The following RAB1A variants were observed in gnomAD, a reference collection of about 807,000 sequenced individuals.
The protein encoded by RAB1A is RAB1A, member RAS oncogene family.
A neutral mutation model predicts 26.0 loss-of-function variants in RAB1A; 2 were observed. The observed-to-expected ratio is 0.08, with a 90% CI of 0.03 to 0.24. RAB1A has a LOEUF of 0.24. Among genes scored for constraint, RAB1A ranks in the 10% least tolerant of loss-of-function variants. RAB1A has a pLI of 1.00. For synonymous variants in RAB1A, 84 were observed against 84.9 expected (o/e 0.99, Z 0.06); for missense variants, 100 against 247.0 (o/e 0.40, Z 3.99).
chr2:65,093,655 G>A (rs1254653200), intron 3 of RAB1A, among the ~76,000 whole-genome samples: 4 of 144,916 alleles, frequency 2.8e-5, no homozygotes, highest in Non-Finnish European at 4.5e-5. Context: ...ACGGAGTCTC[G>A]CTCTGTCACC....
intron 2 of RAB1A, among the ~76,000 whole-genome samples, chr2:65,100,000 AAAGAT>A (rs1358758872): frequency 2.6e-5 from 4 of 152,352 alleles, no homozygotes; most frequent in African/African-American, 9.6e-5. Context: ...TATAAATAAA[AAAGAT>A]AAGGTATAAA....
At chr2:65,127,155 T>C (rs912551726) in intron 1 of RAB1A, among the ~76,000 whole-genome samples, 32 of 151,778 alleles carry the variant, frequency 2.1e-4, no homozygotes, top group African/African-American at 7.5e-4. Context: ...TTTGAGGTCA[T>C]TAGTCTTCAA....
At chr2:65,122,918 C>T (rs925734115) in intron 1 of RAB1A, among the ~76,000 whole-genome samples, 1 of 147,722 alleles carries the variant, frequency 6.8e-6, no homozygotes, top group Non-Finnish European at 1.5e-5. Flanking sequence ...TTGCAGTGAG[C>T]CCAGATCACA....
chr2:65,104,987 C>T (rs1365148786), intron 1 of RAB1A, 181 bp from the exon 2 acceptor site: 1 of 709,430 alleles, frequency 1.4e-6, no homozygotes, highest in Non-Finnish European at 2.6e-6. Flanking sequence ...GATCACTAAA[C>T]ATGATAAAAT....
At chr2:65,110,243 C>T (rs1016173297) in intron 1 of RAB1A, among the ~76,000 whole-genome samples, 3 of 151,836 alleles carry the variant, frequency 2.0e-5, no homozygotes, top group African/African-American at 4.8e-5. Context: ...AGATCGAGAC[C>T]ATCCTGGCTA....
intron 3 of RAB1A, among the ~76,000 whole-genome samples, chr2:65,094,514 G>A (rs756289720): frequency 2.6e-5 from 4 of 151,750 alleles, no homozygotes; most frequent in Non-Finnish European, 4.4e-5. Flanking sequence ...AACCTGGGAG[G>A]CGGAGGTTGC....
At chr2:65,110,557 A>G (rs1051459117) in intron 1 of RAB1A, among the ~76,000 whole-genome samples, 5 of 152,196 alleles carry the variant, frequency 3.3e-5, no homozygotes, top group African/African-American at 1.2e-4. Flanking sequence ...ATAAATGATT[A>G]TAAATGGGAG....
chr2:65,126,941 A>G (rs1670114252), intron 1 of RAB1A, among the ~76,000 whole-genome samples: 1 of 152,220 alleles, frequency 6.6e-6, no homozygotes, highest in African/African-American at 2.4e-5. Flanking sequence ...TAAAAATCTG[A>G]TTGCTCACTG....
chr2:65,092,822 G>A (rs978454489), intron 3 of RAB1A, among the ~76,000 whole-genome samples: 2 of 152,204 alleles, frequency 1.3e-5, no homozygotes, highest in African/African-American at 4.8e-5. Flanking sequence ...ACTGAGGGAA[G>A]TGATTGGATT....
At position 65,110,991 on chromosome 2, in the gene RAB1A, T is replaced by C. The variant is rs142481330; in HGVS notation, c.24-6185A>G. Among the ~76,000 whole-genome samples the C allele has an allele frequency of 2.2e-3, 337 of 151,954 alleles. 1 individual carries two copies. The highest frequency in any genetic ancestry group is 7.7e-3 in the African/African-American group (319 of 41,458). The stretch of plus-strand genomic sequence containing the variant: ...GAAAAAATAATTGCTGCAAGGAAGA[T>C]TTACTGGATAAATGCTAAATTAATG... On this transcript the variant is annotated intron_variant, in intron 1 of 5. Transcript: ENST00000409784.
At chr2:65,101,256 C>T (rs1011565020) in intron 2 of RAB1A, among the ~76,000 whole-genome samples, 5 of 152,154 alleles carry the variant, frequency 3.3e-5, no homozygotes, top group African/African-American at 1.2e-4. Context: ...TCAGTTATCT[C>T]TCTCTGCATA....
rs773092152 is a variant in RAB1A, at chr2:65,088,942, C to T, written c.417G>A (p.Ala139=). Residue 139 remains alanine (A), a synonymous_variant, in exon 5 of 6, where the codon GCG becomes GCA. Coordinates refer to ENST00000409784, the MANE Select transcript of RAB1A (RefSeq NM_004161.5). ...TTKKVVDYTT[A]KEFADSLGIP... is the part of the protein sequence containing the mutation. ...GAAAATTAAACTTTAAACATACCTT[C>T]GCTGTTGTGTAGTCTACTACTTTCT... is the stretch of plus-strand genomic sequence containing the variant. The T allele has an allele frequency of 7.5e-6, 12 of 1,599,836 alleles. No homozygotes were observed. In the African/African-American group the frequency reaches 1.1e-4, roughly 14 times the overall value.
intron 1 of RAB1A, 120 bp downstream of exon 1, chr2:65,129,773 C>G: frequency 6.8e-7 from 1 of 1,476,400 alleles, no homozygotes; most frequent in Non-Finnish European, 9.2e-7. Flanking sequence ...CCTCTCCTGA[C>G]CCATCACCCT....
At position 65,089,003 on chromosome 2, in the gene RAB1A, T is replaced by C. The variant is rs1669105645; in HGVS notation, c.356A>G (p.Lys119Arg). Residue 119 changes from lysine (K) to arginine (R), a missense_variant, in exon 5 of 6, where the codon AAA becomes AGA. Lys to Arg is a conservative substitution (Grantham distance 26). Around this residue, in one of 2 missense-constraint regions of RAB1A, gnomAD observed 67 missense variants for 122.9 expected, o/e 0.55. Coordinates refer to ENST00000409784, the MANE Select transcript of RAB1A (RefSeq NM_004161.5). ...ATCACATTTGTTCCCTACCAACAAT[T>C]TGTTGACATTTTCACTGGCATAACG... ...IDRYASENVN[K>R]LLVGNKCDLT... 6 of 1,610,430 alleles carry C rather than the reference T, an allele frequency of 3.7e-6. No homozygotes were observed. The highest frequency in any genetic ancestry group is 5.1e-6 in the Non-Finnish European group (6 of 1,177,786).
Position 65,114,183 on chromosome 2 carries a change from T to C in RAB1A, c.24-9377A>G, listed in dbSNP as rs745549546. ...TGTTTTCTTCTTTCATGAAATAAAA[T>C]TTAGATTCTCAGACAAGGTTCACAT... On this transcript the variant is annotated intron_variant, in intron 1 of 5. Coordinates refer to ENST00000409784, the MANE Select transcript of RAB1A (RefSeq NM_004161.5). 3 of 442,814 alleles carry C rather than the reference T, an allele frequency of 6.8e-6. No individual in the cohort carries two copies. The East Asian group carries it at 1.9e-4, about 27-fold the overall frequency. The allele number at this position is 442,814 out of a possible 1,614,324, so 27.4% of individuals were successfully genotyped here.
intron 1 of RAB1A, among the ~76,000 whole-genome samples, chr2:65,118,445 T>G (rs1669873757): frequency 6.6e-6 from 1 of 152,118 alleles, no homozygotes; most frequent in African/African-American, 2.4e-5. Context: ...TAATATACTC[T>G]GATGATAGAG....
intron 1 of RAB1A, among the ~76,000 whole-genome samples, chr2:65,105,747 T>C (rs1669540307): frequency 1.3e-5 from 2 of 151,744 alleles, no homozygotes; most frequent in South Asian, 2.1e-4. Flanking sequence ...TAAAGCATTT[T>C]TCAGAACCAT....
In RAB1A at chr2:65,113,249, C is replaced by T. The variant is rs149111277; in HGVS notation, c.24-8443G>A. On this transcript the variant is annotated intron_variant, in intron 1 of 5. Transcript: ENST00000409784. Reference sequence around the variant, plus strand: ...ATTTGTTTGCGTGCAAAAATGGCATCGGTACATATATGTACATTTATGATC... The same window carrying T: ...ATTTGTTTGCGTGCAAAAATGGCATTGGTACATATATGTACATTTATGATC... Among the ~76,000 whole-genome samples, 196 of 152,262 alleles carry T rather than the reference C, an allele frequency of 1.3e-3. No homozygotes were observed. In the East Asian group the frequency reaches 0.013, roughly 10 times the overall value.
chr2:65,101,145 C>CA (rs11380005), intron 2 of RAB1A, among the ~76,000 whole-genome samples: 104,983 of 146,836 alleles, frequency 0.71, 37,759 homozygotes, highest in East Asian at 0.9. Flanking sequence ...GACTCCATCT[C>CA]AAAAAAAAAA....
Sources: allele counts gnomAD v4.1 joint callset (sites outside exome capture counted in the v4.1 genomes callset), GRCh38; gene constraint gnomAD v4.1.1; regional missense constraint gnomAD v4.1.1; transcripts MANE v1.5; gene names NCBI Gene and HGNC (gene_info 2026-07-23, HGNC 2026-07-21).